The following TPO variants were observed in gnomAD, a reference collection of about 807,000 sequenced individuals.
The protein encoded by TPO is thyroid microsomal antigen.
In TPO, 78 loss-of-function variants were observed where a neutral mutation model predicts 96.9. That is an observed-to-expected ratio of 0.81 (90% CI 0.67 to 0.97). TPO has a LOEUF of 0.97. TPO is among the 50% of genes least tolerant of loss of function. The pLI, the probability that TPO is intolerant of heterozygous loss-of-function variation, is 0.00. For synonymous variants in TPO, 547 were observed against 538.0 expected (o/e 1.02, Z -0.23); for missense variants, 1,252 against 1,274.8 (o/e 0.98, Z 0.27).
chr2:1,381,758 G>A (rs1661814110), intron 1 of TPO, among the ~76,000 whole-genome samples: 1 of 152,198 alleles, frequency 6.6e-6, no homozygotes, highest in Non-Finnish European at 1.5e-5. Flanking sequence ...AGAATTAAAT[G>A]TGCAAAACCA....
intron 1 of TPO, among the ~76,000 whole-genome samples, chr2:1,376,741 A>C (rs1168560108): frequency 6.6e-6 from 1 of 152,252 alleles, no homozygotes; most frequent in African/African-American, 2.4e-5. Context: ...AAAGACACTT[A>C]ACAAAAAGTG....
intron 8 of TPO, among the ~76,000 whole-genome samples, chr2:1,479,307 C>T (rs1012931272): frequency 3.9e-5 from 6 of 152,224 alleles, no homozygotes; most frequent in South Asian, 2.1e-4. Flanking sequence ...GCGACCTCCA[C>T]GGGCAGATGT....
At chr2:1,528,900 ACCT>A (rs1677292359) in intron 15 of TPO, among the ~76,000 whole-genome samples, 1 of 122,196 alleles carries the variant, frequency 8.2e-6, no homozygotes, top group Non-Finnish European at 1.6e-5. Context: ...ACTGTGTGCA[ACCT>A]CCTCACGTCC....
At chr2:1,523,745 C>A (rs1257331014) in intron 15 of TPO, among the ~76,000 whole-genome samples, 1 of 102,676 alleles carries the variant, frequency 9.7e-6, no homozygotes, top group African/African-American at 3.9e-5. Flanking sequence ...CTGTGTGCAA[C>A]CCCCCCAAAT....
At chr2:1,435,566 C>A (rs1665484998) in intron 4 of TPO, among the ~76,000 whole-genome samples, 2 of 151,950 alleles carry the variant, frequency 1.3e-5, no homozygotes, top group Admixed American at 6.6e-5. Context: ...TTTATATAAA[C>A]CATATTGGAG....
Position 1,458,567 on chromosome 2 carries a change from GAT to G in TPO, c.819+2287_819+2288del, listed in dbSNP as rs978298055. Among the ~76,000 whole-genome samples the G allele has an allele frequency of 6.1e-4, 92 of 152,026 alleles. 4 individuals carry two copies. Among genetic ancestry groups the G allele is most frequent in the African/African-American group, 2.2e-3 (91 of 41,368 alleles). On this transcript the variant is annotated intron_variant, in intron 7 of 16. Transcript: ENST00000329066. ...GGACATGTGTGTATATGGCATATAA[GAT>G]AGTGTGTGGACATGTGTGTATATGG... is the stretch of plus-strand genomic sequence containing the variant.
At position 1,524,890 on chromosome 2, in the gene TPO, C is replaced by T. The variant is rs139577788; in HGVS notation, c.2618+7908C>T. On this transcript the variant is annotated intron_variant, in intron 15 of 16. Coordinates refer to ENST00000329066, the MANE Select transcript of TPO (RefSeq NM_001206744.2). ...TGTGATGTAACCTCCTCAAATTGCC[C>T]GCACTGTACAACCTCCTCAAATCTC... 1.8e-3 allele frequency among the ~76,000 whole-genome samples: 235 copies of T among 133,782 alleles called. 18 individuals are homozygous for T. Among genetic ancestry groups the T allele is most frequent in the Middle Eastern group, 3.9e-3 (1 of 256 alleles). 87.8% of individuals were successfully genotyped at this position (133,782 alleles called of 152,430 possible).
In TPO at chr2:1,496,691, G is replaced by A. The variant is rs1245327001; in HGVS notation, c.2312G>A (p.Gly771Glu). The change falls in exon 13 of 17, where the codon GGG (glycine) becomes GAG (glutamate). Residue 771 changes from glycine (G) to glutamate (E), a missense_variant. Physicochemically the swap from Gly to Glu is moderately conservative, Grantham distance 98 (BLOSUM62 -2). Transcript: ENST00000329066. ...GTGCTGGTGTATTCCTGCCGGCACG[G>A]GTATGAGCTCCAAGGCCGGGAGCAG... ...RRVLVYSCRH[G>E]YELQGREQLT... is the part of the protein sequence containing the mutation. The A allele has an allele frequency of 6.2e-7, 1 of 1,613,948 alleles. No homozygotes were observed.
At chr2:1,450,911 G>T (rs185376802) in intron 5 of TPO, among the ~76,000 whole-genome samples, 1 of 152,278 alleles carries the variant, frequency 6.6e-6, no homozygotes, top group Admixed American at 6.5e-5. Flanking sequence ...AGTTGCTGAC[G>T]TATTGCAGCT....
At chr2:1,414,298 C>G in intron 1 of TPO, 110 bp from the exon 2 acceptor site, 1 of 1,034,804 alleles carries the variant, frequency 9.7e-7, no homozygotes, top group Non-Finnish European at 1.5e-6. Context: ...GCGGTAGAGG[C>G]TGCGTGGAGT....
At chr2:1,498,491 G>A (rs1672573186) in intron 13 of TPO, among the ~76,000 whole-genome samples, 1 of 152,232 alleles carries the variant, frequency 6.6e-6, no homozygotes, top group Admixed American at 6.5e-5. Flanking sequence ...ACATAGGTGA[G>A]GGGGTGTCAT....
intron 3 of TPO, among the ~76,000 whole-genome samples, chr2:1,429,744 A>G (rs754385640): frequency 2.0e-5 from 3 of 152,244 alleles, no homozygotes; most frequent in Admixed American, 6.5e-5. Context: ...AGTCGTGGGC[A>G]TCTATGGAAA....
intron 15 of TPO, among the ~76,000 whole-genome samples, chr2:1,530,060 C>T (rs1262121806): frequency 2.8e-5 from 4 of 143,368 alleles, no homozygotes; most frequent in Non-Finnish European, 6.0e-5. Flanking sequence ...CTCCCCAAGT[C>T]TCCCACACTC....
intron 7 of TPO, among the ~76,000 whole-genome samples, chr2:1,457,965 A>G (rs970523562): frequency 5.3e-5 from 8 of 150,736 alleles, no homozygotes; most frequent in African/African-American, 2.0e-4. Flanking sequence ...ACGTGTGTAT[A>G]TGGCATATAA....
intron 7 of TPO, among the ~76,000 whole-genome samples, chr2:1,458,724 C>G (rs1343036990): frequency 6.6e-6 from 1 of 152,174 alleles, no homozygotes; most frequent in South Asian, 2.1e-4. Flanking sequence ...TGTGCATGCT[C>G]AGTGCCTGGT....
intron 8 of TPO, among the ~76,000 whole-genome samples, chr2:1,484,258 G>A (rs1670908857): frequency 6.6e-6 from 1 of 152,222 alleles, no homozygotes; most frequent in African/African-American, 2.4e-5. Flanking sequence ...AAAAGGAACT[G>A]CTCCCCACTG....
intron 1 of TPO, among the ~76,000 whole-genome samples, chr2:1,374,856 A>G (rs1661697475): frequency 6.6e-6 from 1 of 151,232 alleles, no homozygotes; most frequent in Non-Finnish European, 1.5e-5. Context: ...CCTCCCAAGT[A>G]GCTGGGACTA....
At chr2:1,540,533 C>G (rs573820972) in intron 15 of TPO, 61 bp from the exon 16 acceptor site, 116 of 1,605,876 alleles carry the variant, frequency 7.2e-5, no homozygotes, top group African/African-American at 5.2e-4. Flanking sequence ...GCCGTGCTCT[C>G]TACCCTCCAC....
intron 15 of TPO, among the ~76,000 whole-genome samples, chr2:1,530,453 A>T (rs1483950975): frequency 6.7e-6 from 1 of 148,470 alleles, no homozygotes; most frequent in Non-Finnish European, 1.5e-5. Flanking sequence ...AACCTCCCGA[A>T]ATCCCATCAA....
Sources: allele counts gnomAD v4.1 joint callset (sites outside exome capture counted in the v4.1 genomes callset), GRCh38; gene constraint gnomAD v4.1.1; transcripts MANE v1.5; gene names NCBI Gene and HGNC (gene_info 2026-07-23, HGNC 2026-07-21).